CCDC6: variants seen among roughly 807,000 people sequenced by gnomAD.
CCDC6 encodes the protein coiled-coil domain-containing protein 6.
In CCDC6, 20 loss-of-function variants were observed where a neutral mutation model predicts 56.6. The observed-to-expected ratio is 0.35, with a 90% CI of 0.25 to 0.51. The LOEUF is 0.51. CCDC6 is among the 20% of genes least tolerant of loss of function. CCDC6 has a pLI of 0.95. For synonymous variants in CCDC6, 241 were observed against 234.4 expected, an observed-to-expected ratio of 1.03 and a Z score of -0.26; for missense variants, 367 against 601.1, an observed-to-expected ratio of 0.61 and a Z score of 4.07.
rs902550018 is a variant in CCDC6 at position 59,803,457 on chromosome 10, T to C, written c.1105+963A>G. ...CTCTATTCTACTGCAAAACTCTGCC[T>C]CTGTCACAGTCCCCTCCATACTTTT... On this transcript the variant is annotated intron_variant, in intron 7 of 8. Transcript: ENST00000263102. 2.1e-4 allele frequency among the ~76,000 whole-genome samples: 32 copies of C among 152,218 alleles called. 1 individual carries two copies. Among genetic ancestry groups the C allele is most frequent in the Non-Finnish European group, 4.4e-4 (30 of 68,036 alleles).
chr10:59,804,149 T>G (rs1463175082), intron 7 of CCDC6, among the ~76,000 whole-genome samples: 1 of 151,732 alleles, frequency 6.6e-6, no homozygotes, highest in Non-Finnish European at 1.5e-5. Flanking sequence ...AAAGACATTC[T>G]TCTTTTTAAA....
rs1476008101 is a variant in CCDC6 at position 59,862,546 on chromosome 10, C to T, written c.304-9844G>A. On this transcript the variant is annotated intron_variant, in intron 1 of 8. Coordinates refer to ENST00000263102, the MANE Select transcript of CCDC6 (RefSeq NM_005436.5). ...ACACACACACACACACACACACACA[C>T]ACACACACACATATATATACACATA... 3.3e-3 allele frequency among the ~76,000 whole-genome samples: 336 copies of T among 101,826 alleles called. 11 individuals carry two copies. Among genetic ancestry groups the T allele is most frequent in the Middle Eastern group, 0.014 (3 of 222 alleles). The allele number at this position is 101,826 out of a possible 152,430, so 66.8% of individuals were successfully genotyped here.
intron 2 of CCDC6, among the ~76,000 whole-genome samples, chr10:59,846,832 CT>C (rs1446731970): frequency 6.6e-6 from 1 of 152,196 alleles, no homozygotes; most frequent in Non-Finnish European, 1.5e-5. Context: ...AGTTTATTAA[CT>C]TTTGGTAGTG....
At chr10:59,831,841 C>T (rs979627499) in intron 3 of CCDC6, among the ~76,000 whole-genome samples, 9 of 152,184 alleles carry the variant, frequency 5.9e-5, no homozygotes, top group African/African-American at 1.4e-4. Flanking sequence ...GGCCAATGTT[C>T]CAACACCAAT....
chr10:59,790,546 A>G lies in CCDC6; in HGVS notation c.*2371T>C, dbSNP rs1160037514. The G allele has an allele frequency of 4.5e-6, 1 of 221,226 alleles. No individual in the cohort carries two copies. Among genetic ancestry groups the G allele is most frequent in the African/African-American group, 2.2e-5 (1 of 44,622 alleles). The allele number at this position is 221,226 out of a possible 1,614,324, so 13.7% of individuals were successfully genotyped here. A position where few individuals can be genotyped will look rare whatever the true frequency, so the allele number is the denominator to read the frequency against. Reference sequence around the variant, plus strand: ...ACTACCCAAGTGTTACAGGCTCTGCATAGGTCCTCAAACACTTTAAAGGAC... The same window carrying G: ...ACTACCCAAGTGTTACAGGCTCTGCGTAGGTCCTCAAACACTTTAAAGGAC... On this transcript the variant is annotated 3_prime_UTR_variant, in exon 9 of 9. Transcript: ENST00000263102.
chr10:59,894,243 C>A (rs886291451), intron 1 of CCDC6, among the ~76,000 whole-genome samples: 1 of 152,210 alleles, frequency 6.6e-6, no homozygotes, highest in Non-Finnish European at 1.5e-5. Context: ...GTAGTGAGCT[C>A]CTGAAGGGAA....
In CCDC6 at chr10:59,906,326, G is replaced by A; in HGVS notation, c.99C>T (p.Gly33=). ...MQSSCSSTSG[G]GGGGGGGGGG... is the part of the protein sequence containing the mutation. ...CGCCGCCTCCCCCGCCGCCACCGCC[G>A]CCGCCCGAGGTCGACGAGCAGGACG... The change falls in exon 1 of 9, where the codon GGC becomes GGT. Residue 33 remains glycine, a synonymous_variant. Coordinates refer to ENST00000263102, the MANE Select transcript of CCDC6 (RefSeq NM_005436.5). 2 of 1,600,188 alleles carry A rather than the reference G, an allele frequency of 1.2e-6. No homozygotes were observed. The highest frequency in any genetic ancestry group is 1.3e-5 in the African/African-American group (1 of 74,898).
In CCDC6 at chr10:59,906,329, G is replaced by C; in HGVS notation, c.96C>G (p.Gly32=). ...CGCCTCCCCCGCCGCCACCGCCGCC[G>C]CCCGAGGTCGACGAGCAGGACGACT... The part of the protein sequence containing the change: ...AMQSSCSSTS[G]GGGGGGGGGG... The change falls in exon 1 of 9, where the codon GGC becomes GGG. Residue 32 remains glycine, a synonymous_variant. Transcript: ENST00000263102. 1 of 1,599,896 alleles carries C rather than the reference G, an allele frequency of 6.3e-7. No homozygotes were observed. The highest frequency in any genetic ancestry group is 8.5e-7 in the Non-Finnish European group (1 of 1,178,816).
At chr10:59,896,493 A>G (rs1232741197) in intron 1 of CCDC6, among the ~76,000 whole-genome samples, 2 of 152,188 alleles carry the variant, frequency 1.3e-5, no homozygotes, top group African/African-American at 2.4e-5. Context: ...TTAAGTTAAA[A>G]TAAGACATCA....
intron 1 of CCDC6, among the ~76,000 whole-genome samples, chr10:59,853,370 A>C (rs1709344): frequency 0.21 from 32,514 of 151,832 alleles, 4,695 homozygotes; most frequent in African/African-American, 0.41. Context: ...CTGTCTCTAT[A>C]AAAAATACAA....
intron 7 of CCDC6, among the ~76,000 whole-genome samples, chr10:59,803,517 G>A (rs2070594014): frequency 6.6e-6 from 1 of 152,148 alleles, no homozygotes; most frequent in Non-Finnish European, 1.5e-5. Flanking sequence ...TTACCAGCAA[G>A]CACAAGAAAA....
chr10:59,873,757 T>C (rs1364750407), intron 1 of CCDC6, among the ~76,000 whole-genome samples: 1 of 152,212 alleles, frequency 6.6e-6, no homozygotes, highest in African/African-American at 2.4e-5. Context: ...GGTTTTTCAA[T>C]CTTGGTTTCT....
At chr10:59,856,150 C>T (rs1014065362) in intron 1 of CCDC6, among the ~76,000 whole-genome samples, 2 of 152,110 alleles carry the variant, frequency 1.3e-5, no homozygotes, top group African/African-American at 2.4e-5. Context: ...TTTGCCAGTT[C>T]TTAGATCTAA....
Position 59,789,881 on chromosome 10 carries a change from T to C in CCDC6, c.*3036A>G, listed in dbSNP as rs2070453085. 1 of 181,706 alleles carries C rather than the reference T, an allele frequency of 5.5e-6. No individual in the cohort carries two copies. The highest frequency in any genetic ancestry group is 1.0e-5 in the Non-Finnish European group (1 of 95,546). The allele number at this position is 181,706 out of a possible 1,614,324, so 11.3% of individuals were successfully genotyped here. On this transcript the variant is annotated 3_prime_UTR_variant, in exon 9 of 9. Coordinates refer to ENST00000263102, the MANE Select transcript of CCDC6 (RefSeq NM_005436.5). Reference sequence around the variant, plus strand: ...GAACAATTAACAAAAATTCACATTATCAATTATTTCTGGTTGAATTCTGTT... The same window carrying C: ...GAACAATTAACAAAAATTCACATTACCAATTATTTCTGGTTGAATTCTGTT...
intron 3 of CCDC6, 54 bp downstream of exon 3, chr10:59,832,471 G>T: frequency 1.3e-6 from 2 of 1,545,226 alleles, no homozygotes; most frequent in South Asian, 2.4e-5. Flanking sequence ...AAGCTTAAAA[G>T]AACAAGCTGA....
intron 7 of CCDC6, among the ~76,000 whole-genome samples, chr10:59,803,904 CAGAT>C (rs1564737861): frequency 6.6e-6 from 1 of 152,178 alleles, no homozygotes. Flanking sequence ...GCTCTTTAAA[CAGAT>C]AGGCCCTGCC....
At chr10:59,795,949 G>T (rs2070514420) in intron 7 of CCDC6, among the ~76,000 whole-genome samples, 1 of 152,102 alleles carries the variant, frequency 6.6e-6, no homozygotes, top group East Asian at 1.9e-4. Context: ...CTGTGCATGT[G>T]TCTTTATAGC....
intron 7 of CCDC6, among the ~76,000 whole-genome samples, chr10:59,794,892 G>A (rs948765997): frequency 2.0e-5 from 3 of 152,126 alleles, no homozygotes; most frequent in African/African-American, 7.2e-5. Flanking sequence ...ATGGTGTTGG[G>A]AAAACTGGAT....
chr10:59,822,125 G>GT (rs1173285057), intron 3 of CCDC6, among the ~76,000 whole-genome samples: 1 of 152,230 alleles, frequency 6.6e-6, no homozygotes, highest in African/African-American at 2.4e-5. Flanking sequence ...ATAGCTCAGA[G>GT]TTTACTTTCT....
Sources: allele counts gnomAD v4.1 joint callset (sites outside exome capture counted in the v4.1 genomes callset), GRCh38; gene constraint gnomAD v4.1.1; transcripts MANE v1.5; gene names NCBI Gene and HGNC (gene_info 2026-07-23, HGNC 2026-07-21).